The following TSHZ2 variants were observed in gnomAD, a reference collection of about 807,000 sequenced individuals.
TSHZ2 encodes teashirt homolog 2.
TSHZ2 carries 21 observed loss-of-function variants against 74.4 expected under a neutral mutation model. That is an observed-to-expected ratio of 0.28 (90% CI 0.20 to 0.41). The LOEUF is 0.41. Among genes scored for constraint, TSHZ2 ranks in the 10% least tolerant of loss-of-function variants. TSHZ2 has a pLI of 1.00. For synonymous variants in TSHZ2, 540 were observed against 515.3 expected (o/e 1.05, Z -0.65); for missense variants, 1,244 against 1,293.5 (o/e 0.96, Z 0.59).
intron 2 of TSHZ2, among the ~76,000 whole-genome samples, chr20:53,451,688 C>A (rs1288025314): frequency 6.6e-6 from 1 of 152,182 alleles, no homozygotes; most frequent in Non-Finnish European, 1.5e-5. Context: ...TAGATTAGAA[C>A]CTCCTGTTTT....
intron 1 of TSHZ2, among the ~76,000 whole-genome samples, chr20:52,996,305 GT>G (rs1223180904): frequency 1.5e-5 from 2 of 135,362 alleles, no homozygotes; most frequent in Admixed American, 7.8e-5. Context: ...TTCCTTTCAG[GT>G]TTTTATTTAT....
intron 1 of TSHZ2, among the ~76,000 whole-genome samples, chr20:53,147,420 G>T (rs1192782959): frequency 6.6e-6 from 1 of 152,156 alleles, no homozygotes; most frequent in East Asian, 1.9e-4. Flanking sequence ...AAAAGGCATA[G>T]ACACAAAAGT....
chr20:53,255,187 C>T lies in TSHZ2; in HGVS notation c.1729C>T (p.Pro577Ser). 1 of 1,614,156 alleles carries T rather than the reference C, an allele frequency of 6.2e-7. No individual in the cohort carries two copies. Residue 577 changes from proline to serine, a missense_variant, in exon 2 of 3, where the codon CCC (proline) becomes TCC (serine). Pro to Ser is a moderately conservative substitution (Grantham distance 74). Around this residue, in one of 6 missense-constraint regions of TSHZ2, gnomAD observed 562 missense variants for 544.0 expected, o/e 1.03. Transcript: ENST00000371497. This position sits in a 1 kb window ranked among gnomAD's most constrained non-coding sequence, Gnocchi z 4.1. ...IRPNLTNKLRPIAPKWKVMPL... is the reference protein window; with the variant it reads ...IRPNLTNKLRSIAPKWKVMPL... ...GCCTAATCTCACCAACAAGCTGAGG[C>T]CCATTGCACCAAAGTGGAAAGTGAT...
intron 1 of TSHZ2, among the ~76,000 whole-genome samples, chr20:53,084,271 AC>A (rs1167673708): frequency 6.6e-6 from 1 of 152,234 alleles, no homozygotes; most frequent in African/African-American, 2.4e-5. Flanking sequence ...ATTTTGAAGA[AC>A]CCTTGGAATT....
chr20:53,157,060 T>A (rs1388327108), intron 1 of TSHZ2, among the ~76,000 whole-genome samples: 1 of 152,220 alleles, frequency 6.6e-6, no homozygotes, highest in East Asian at 1.9e-4. Context: ...TATTACTGCA[T>A]GTGTGAAAAC....
chr20:53,297,013 A>C (rs1991392040), intron 2 of TSHZ2, among the ~76,000 whole-genome samples: 1 of 152,254 alleles, frequency 6.6e-6, no homozygotes, highest in Admixed American at 6.5e-5. Context: ...AGAGAAAGTC[A>C]CATGATATTT....
intron 2 of TSHZ2, among the ~76,000 whole-genome samples, chr20:53,297,449 AGTCTTGAACACTTGG>A (rs1410433166): frequency 2.0e-5 from 3 of 152,080 alleles, no homozygotes; most frequent in Non-Finnish European, 2.9e-5. Context: ...TACCCAAGGT[AGTCTTGAACACTTGG>A]GCTCAAGCTA....
intron 2 of TSHZ2, among the ~76,000 whole-genome samples, chr20:53,419,058 T>C (rs1983374813): frequency 6.6e-6 from 1 of 152,150 alleles, no homozygotes; most frequent in African/African-American, 2.4e-5. Context: ...ATTAACAACA[T>C]GAGGAAAAGC....
At chr20:53,472,209 G>T (rs1442240912) in intron 2 of TSHZ2, among the ~76,000 whole-genome samples, 1 of 152,206 alleles carries the variant, frequency 6.6e-6, no homozygotes, top group Non-Finnish European at 1.5e-5. Flanking sequence ...AGGACACCAA[G>T]TGGACTAAAA....
chr20:53,173,059 C>T (rs1187892142), intron 1 of TSHZ2, among the ~76,000 whole-genome samples: 1 of 152,156 alleles, frequency 6.6e-6, no homozygotes, highest in African/African-American at 2.4e-5. Flanking sequence ...TGGTGCATGA[C>T]ACATAATGAA....
At chr20:53,026,079 C>A (rs541991507) in intron 1 of TSHZ2, among the ~76,000 whole-genome samples, 1 of 152,162 alleles carries the variant, frequency 6.6e-6, no homozygotes, top group Non-Finnish European at 1.5e-5. Flanking sequence ...AAATTATTCC[C>A]AACCCTAAGT....
At chr20:53,335,158 A>C (rs6068512) in intron 2 of TSHZ2, among the ~76,000 whole-genome samples, 42,297 of 152,096 alleles carry the variant, frequency 0.28, 6,520 homozygotes, top group East Asian at 0.44. Flanking sequence ...TCGCCTGGAC[A>C]GTTTTCTTAA....
chr20:53,132,991 A>T (rs1600705591), intron 1 of TSHZ2, among the ~76,000 whole-genome samples: 1 of 150,710 alleles, frequency 6.6e-6, no homozygotes, highest in Non-Finnish European at 1.5e-5. Flanking sequence ...TCTCTTTCTC[A>T]TTCTTTTCTC....
chr20:53,051,389 G>A lies in TSHZ2; in HGVS notation c.40+78056G>A, dbSNP rs556790119. On this transcript the variant is annotated intron_variant, in intron 1 of 2. Transcript: ENST00000371497. ...TATTCAGAGGAATGAATGTATTTTG[G>A]TAAAAATGACTTTTGAGTGGGTACC... Among the ~76,000 whole-genome samples the A allele has an allele frequency of 7.0e-4, 106 of 150,924 alleles. 1 individual carries two copies. The South Asian group carries it at 0.015, about 21-fold the overall frequency.
chr20:53,325,888 T>C (rs932578793), intron 2 of TSHZ2, among the ~76,000 whole-genome samples: 1 of 152,150 alleles, frequency 6.6e-6, no homozygotes, highest in Non-Finnish European at 1.5e-5. Context: ...TTCAAGCGAT[T>C]CTCCTGCCCC....
chr20:53,405,340 G>A (rs755020043), intron 2 of TSHZ2, among the ~76,000 whole-genome samples: 62 of 152,120 alleles, frequency 4.1e-4, no homozygotes, highest in South Asian at 2.1e-4. Context: ...TCTTACAGGC[G>A]TGTGCTGTCC....
chr20:53,416,704 G>T (rs1983266156), intron 2 of TSHZ2, among the ~76,000 whole-genome samples: 1 of 152,200 alleles, frequency 6.6e-6, no homozygotes, highest in Admixed American at 6.5e-5. Context: ...CTCCCATCAT[G>T]CTGAGAACAT....
chr20:53,055,177 C>T (rs1984598466), intron 1 of TSHZ2, among the ~76,000 whole-genome samples: 2 of 152,168 alleles, frequency 1.3e-5, no homozygotes, highest in African/African-American at 4.8e-5. Flanking sequence ...TCTATCCACA[C>T]CATTGTCTTC....
At chr20:53,306,646 G>A (rs1450773566) in intron 2 of TSHZ2, among the ~76,000 whole-genome samples, 1 of 152,198 alleles carries the variant, frequency 6.6e-6, no homozygotes, top group African/African-American at 2.4e-5. Context: ...GCCATTGGCA[G>A]CAAAGATTTA....
Sources: gnomAD v4.1 joint callset for allele counts (sites outside exome capture counted in the v4.1 genomes callset) on GRCh38, gnomAD v4.1.1 for gene constraint, gnomAD v4.1.1 regional missense constraint, Gnocchi (gnomAD v3.1) non-coding constraint, MANE v1.5 for transcripts, NCBI Gene and HGNC (gene_info 2026-07-23, HGNC 2026-07-21) for gene names.